Variants in SNX29 observed in about 807,000 individuals in gnomAD.
The protein encoded by SNX29 is sorting nexin-29.
SNX29 carries 78 observed loss-of-function variants against 102.1 expected under a neutral mutation model. That is an observed-to-expected ratio of 0.76 (90% CI 0.64 to 0.92). The LOEUF (loss-of-function observed/expected upper bound fraction) is 0.92, where lower values mean the gene tolerates loss of function less well. Among genes scored for constraint, SNX29 ranks in the 40% least tolerant of loss-of-function variants. SNX29 has a pLI of 0.00. For missense variants in SNX29, 1,280 were observed against 1,061.7 expected, an observed-to-expected ratio of 1.21 and a Z score of -2.86; for synonymous variants, 580 against 414.5, an observed-to-expected ratio of 1.40 and a Z score of -4.85.
At chr16:12,361,699 T>C (rs1380522960) in intron 16 of SNX29, among the ~76,000 whole-genome samples, 1 of 152,130 alleles carries the variant, frequency 6.6e-6, no homozygotes, top group African/African-American at 2.4e-5. Context: ...TTTCTTAAAC[T>C]TTTTTTCATA....
intron 13 of SNX29, among the ~76,000 whole-genome samples, chr16:12,146,955 A>C (rs1442788326): frequency 6.6e-6 from 1 of 152,224 alleles, no homozygotes; most frequent in Admixed American, 6.5e-5. Context: ...GCATAATGGG[A>C]GAGGAACAGA....
chr16:12,557,380 G>T (rs6498320), intron 20 of SNX29: 1 of 151,836 alleles, frequency 6.6e-6, no homozygotes, highest in South Asian at 2.1e-4. Flanking sequence ...GAGGGCTTGC[G>T]AATAGAAACA....
At chr16:12,029,596 T>C (rs1220965734) in intron 4 of SNX29, 1 of 259,058 alleles carries the variant, frequency 3.9e-6, no homozygotes, top group East Asian at 2.5e-4. Context: ...GAATTTGATT[T>C]TTTTTTTTTT....
intron 20 of SNX29, among the ~76,000 whole-genome samples, chr16:12,555,360 C>G (rs750356939): frequency 2.6e-5 from 4 of 151,984 alleles, no homozygotes; most frequent in Non-Finnish European, 4.4e-5. Context: ...GTTAACTTTT[C>G]TCCCATGAGG....
At chr16:12,204,619 A>C (rs2077000123) in intron 14 of SNX29, among the ~76,000 whole-genome samples, 1 of 152,254 alleles carries the variant, frequency 6.6e-6, no homozygotes, top group East Asian at 1.9e-4. Flanking sequence ...GTGGCCATCA[A>C]AATAATCAGC....
chr16:12,500,502 T>C (rs9935286), intron 19 of SNX29, among the ~76,000 whole-genome samples: 34,948 of 152,204 alleles, frequency 0.23, 4,221 homozygotes, highest in South Asian at 0.41. Flanking sequence ...CCCATGCCGT[T>C]ATGTGGATGA....
chr16:12,014,568 A>G (rs1267338591), intron 3 of SNX29, among the ~76,000 whole-genome samples: 1 of 151,958 alleles, frequency 6.6e-6, no homozygotes, highest in African/African-American at 2.4e-5. Flanking sequence ...CCCTGTCTCT[A>G]CTAAAAATAC....
intron 17 of SNX29, among the ~76,000 whole-genome samples, chr16:12,401,571 C>G (rs905888108): frequency 2.6e-5 from 4 of 151,894 alleles, no homozygotes; most frequent in Non-Finnish European, 5.9e-5. Flanking sequence ...ACCATCTTGG[C>G]CAGGCTGGTC....
intron 19 of SNX29, among the ~76,000 whole-genome samples, chr16:12,481,756 A>C (rs932740413): frequency 1.3e-4 from 20 of 152,262 alleles, no homozygotes; most frequent in South Asian, 1.2e-3. Flanking sequence ...GCTGTTCTCA[A>C]ACTCCTGATC....
chr16:12,527,663 C>T (rs1334419922), intron 20 of SNX29, among the ~76,000 whole-genome samples: 1 of 152,116 alleles, frequency 6.6e-6, no homozygotes, highest in African/African-American at 2.4e-5. Flanking sequence ...GTCCCGGGGT[C>T]CCCACCCAGC....
rs536360873 is a variant in SNX29 at position 12,455,745 on chromosome 16, G to A, written c.2038-21974G>A. 2.3e-4 allele frequency among the ~76,000 whole-genome samples: 35 copies of A among 152,330 alleles called. No homozygotes were observed. The South Asian group carries it at 2.5e-3, about 11-fold the overall frequency. ...CAGACCTTGGTCTTGACTGTCAGAA[G>A]CGTCCATCCTTTGCTCACTGCCAGA... On this transcript the variant is annotated intron_variant, in intron 18 of 20. Transcript: ENST00000566228.
At chr16:12,023,601 A>AAAAGT (rs1218781141) in intron 3 of SNX29, among the ~76,000 whole-genome samples, 1 of 151,636 alleles carries the variant, frequency 6.6e-6, no homozygotes, top group Non-Finnish European at 1.5e-5. Context: ...AAAAGAAAAG[A>AAAAGT]AAAGAAAAGA....
chr16:12,194,124 T>C (rs974043045), intron 13 of SNX29, among the ~76,000 whole-genome samples: 1 of 152,232 alleles, frequency 6.6e-6, no homozygotes, highest in Non-Finnish European at 1.5e-5. Context: ...GCCATGAACC[T>C]GGTATCTCCA....
intron 20 of SNX29, among the ~76,000 whole-genome samples, chr16:12,536,108 G>C (rs1024322397): frequency 1.2e-4 from 18 of 152,146 alleles, no homozygotes; most frequent in African/African-American, 4.3e-4. Flanking sequence ...CCAGAGAGAA[G>C]GGTGAACACA....
intron 18 of SNX29, among the ~76,000 whole-genome samples, chr16:12,440,264 A>G (rs1236477717): frequency 3.3e-5 from 5 of 152,170 alleles, no homozygotes; most frequent in African/African-American, 1.2e-4. Flanking sequence ...ACCTTTTCAA[A>G]GTGTACGATT....
At chr16:12,396,449 C>T (rs138069967) in intron 16 of SNX29, among the ~76,000 whole-genome samples, 19 of 152,242 alleles carry the variant, frequency 1.2e-4, no homozygotes, top group Non-Finnish European at 2.5e-4. Flanking sequence ...GAGCTGGTGT[C>T]CTGATGGCTT....
At chr16:12,512,951 G>A (rs961750285) in intron 19 of SNX29, among the ~76,000 whole-genome samples, 3 of 152,104 alleles carry the variant, frequency 2.0e-5, no homozygotes, top group Non-Finnish European at 2.9e-5. Context: ...GAGCGGAGTT[G>A]CTGGGGTGAA....
intron 20 of SNX29, among the ~76,000 whole-genome samples, chr16:12,538,350 A>G (rs2077171439): frequency 6.6e-6 from 1 of 152,118 alleles, no homozygotes; most frequent in Admixed American, 6.6e-5. Flanking sequence ...TCGGTCTTCC[A>G]AAGTGCTGAC....
At chr16:12,326,096 G>A (rs937998858) in intron 15 of SNX29, among the ~76,000 whole-genome samples, 5 of 151,768 alleles carry the variant, frequency 3.3e-5, no homozygotes, top group Non-Finnish European at 5.9e-5. Context: ...TGCGATCTTG[G>A]CTCACTGCAA....
Sources: gnomAD v4.1 joint callset for allele counts (sites outside exome capture counted in the v4.1 genomes callset) on GRCh38, gnomAD v4.1.1 for gene constraint, MANE v1.5 for transcripts, NCBI Gene and HGNC (gene_info 2026-07-23, HGNC 2026-07-21) for gene names.